CPB2: variants seen among roughly 807,000 people sequenced by gnomAD.
The protein encoded by CPB2 is carboxypeptidase B2, also known as carboxypeptidase B-like protein.
In CPB2, 54 loss-of-function variants were observed where a neutral mutation model predicts 57.0. That is an observed-to-expected ratio of 0.95 (90% CI 0.76 to 1.19). CPB2 has a LOEUF of 1.19. CPB2 is among the 50% of genes most tolerant of loss of function. The pLI is 0.00. For missense variants in CPB2, 426 were observed against 512.0 expected (o/e 0.83, Z 1.62); for synonymous variants, 189 against 178.1 (o/e 1.06, Z -0.49).
chr13:46,090,028 C>T (rs1224282716), intron 1 of CPB2, among the ~76,000 whole-genome samples: 1 of 152,066 alleles, frequency 6.6e-6, no homozygotes, highest in African/African-American at 2.4e-5. Flanking sequence ...TTTCTTAGTT[C>T]TCTATTATGT....
intron 2 of CPB2, among the ~76,000 whole-genome samples, chr13:46,087,160 G>C (rs1024553979): frequency 6.6e-6 from 1 of 152,184 alleles, no homozygotes; most frequent in African/African-American, 2.4e-5. Context: ...GCTGCAGCGG[G>C]CAGCTGCAGC....
chr13:46,058,483 T>C, intron 8 of CPB2, 102 bp from the exon 9 acceptor site: 1 of 927,474 alleles, frequency 1.1e-6, no homozygotes, highest in South Asian at 1.5e-5. Flanking sequence ...TGCAACACTT[T>C]TAGATGAATG....
At chr13:46,084,485 G>A (rs1593907474) in intron 2 of CPB2, 142 bp from the exon 3 acceptor site, 1 of 743,300 alleles carries the variant, frequency 1.3e-6, no homozygotes, top group Non-Finnish European at 2.1e-6. Context: ...CACACACATG[G>A]TAATATAAAC....
intron 2 of CPB2, among the ~76,000 whole-genome samples, chr13:46,085,664 G>T (rs961724830): frequency 6.6e-6 from 1 of 152,122 alleles, no homozygotes; most frequent in Non-Finnish European, 1.5e-5. Context: ...TCCAGCTCCC[G>T]CCTCTATCCT....
At chr13:46,081,004 A>G (rs1418317477) in intron 4 of CPB2, among the ~76,000 whole-genome samples, 2 of 150,176 alleles carry the variant, frequency 1.3e-5, no homozygotes, top group Non-Finnish European at 3.0e-5. Flanking sequence ...AAGAAAAGGC[A>G]TATGAGGAAG....
chr13:46,070,520 T>C (rs1193618389), intron 6 of CPB2, among the ~76,000 whole-genome samples: 1 of 152,090 alleles, frequency 6.6e-6, no homozygotes, highest in Non-Finnish European at 1.5e-5. Context: ...TGGGGTGCAC[T>C]CAAGCTTTGC....
chr13:46,103,548 G>A (rs2045461594), intron 1 of CPB2, among the ~76,000 whole-genome samples: 1 of 152,198 alleles, frequency 6.6e-6, no homozygotes, highest in Non-Finnish European at 1.5e-5. Flanking sequence ...TTCTTCCTGA[G>A]GCTCAGTTTC....
At chr13:46,092,909 T>TTTTG (rs909989309) in intron 1 of CPB2, among the ~76,000 whole-genome samples, 9 of 152,076 alleles carry the variant, frequency 5.9e-5, no homozygotes, top group Non-Finnish European at 1.0e-4. Flanking sequence ...CTTTGTTTGT[T>TTTTG]TTTGTTTGTT....
At chr13:46,103,840 C>T (rs1480417625) in intron 1 of CPB2, among the ~76,000 whole-genome samples, 2 of 152,182 alleles carry the variant, frequency 1.3e-5, no homozygotes, top group Non-Finnish European at 2.9e-5. Context: ...GAAATCCTGA[C>T]CATATGATTC....
intron 1 of CPB2, among the ~76,000 whole-genome samples, chr13:46,103,199 A>G (rs1593926294): frequency 1.3e-5 from 2 of 152,240 alleles, no homozygotes; most frequent in African/African-American, 2.4e-5. Flanking sequence ...TACGATCAAG[A>G]TGGCGGTCTG....
intron 1 of CPB2, chr13:46,099,682 G>A (rs904118508): frequency 6.6e-5 from 10 of 152,058 alleles, no homozygotes. Context: ...TGCTTTACAG[G>A]TATTCTTATT....
rs957075264 is a variant in CPB2 at position 46,055,824 on chromosome 13, C to T, written c.1025G>A (p.Arg342His). 9.4e-6 allele frequency: 15 copies of T among 1,600,240 alleles called. No individual in the cohort carries two copies. Among genetic ancestry groups the T allele is most frequent in the East Asian group, 6.8e-5 (3 of 44,424 alleles). ...ELSLVASEAVRAIEKISKNTR... is the reference protein window; with the variant it reads ...ELSLVASEAVHAIEKISKNTR... ...ATTTTTACTAATTTTCTCAATAGCA[C>T]GAACTGCTTCACTGGCTACTAGAGA... The change falls in exon 10 of 11, where the codon CGT becomes CAT. Residue 342 changes from arginine to histidine, a missense_variant. By Grantham distance (29) the Arg-to-His change is conservative. Transcript: ENST00000181383.
intron 3 of CPB2, among the ~76,000 whole-genome samples, chr13:46,083,616 CT>C (rs2045153137): frequency 6.6e-6 from 1 of 152,120 alleles, no homozygotes; most frequent in African/African-American, 2.4e-5. Flanking sequence ...GAAATTGTAC[CT>C]GATACACTTT....
chr13:46,073,922 T>C lies in CPB2; in HGVS notation c.542A>G (p.His181Arg). 1 of 1,592,010 alleles carries C rather than the reference T, an allele frequency of 6.3e-7. No individual in the cohort carries two copies. Among genetic ancestry groups the C allele is most frequent in the East Asian group, 2.3e-5 (1 of 44,394 alleles). Reference protein sequence around the residue: ...KNAIWIDCGIHAREWISPAFC... With the variant: ...KNAIWIDCGIRAREWISPAFC... ...AGCAGGAGAGATCCATTCTCTGGCA[T>C]GGATTCCACAGTCAATCCATATGGC... The change falls in exon 6 of 11, where the codon CAT becomes CGT. Residue 181 changes from histidine (H) to arginine (R), a missense_variant. Physicochemically the swap from His to Arg is conservative, Grantham distance 29 (BLOSUM62 0). Transcript: ENST00000181383.
At chr13:46,087,629 T>C in intron 2 of CPB2, 116 bp downstream of exon 2, 1 of 697,990 alleles carries the variant, frequency 1.4e-6, no homozygotes, top group Non-Finnish European at 2.5e-6. Context: ...GAGAAGACTA[T>C]GAGAAGAAGA....
At chr13:46,085,725 G>A (rs2045193255) in intron 2 of CPB2, among the ~76,000 whole-genome samples, 1 of 152,126 alleles carries the variant, frequency 6.6e-6, no homozygotes, top group African/African-American at 2.4e-5. Context: ...CTTAACCTCT[G>A]CTTCTTGGAA....
intron 6 of CPB2, among the ~76,000 whole-genome samples, chr13:46,069,389 T>G (rs2044904118): frequency 6.6e-6 from 1 of 152,156 alleles, no homozygotes. Context: ...AATTCAGCGG[T>G]TTTTGGTGTA....
rs17844225 is a variant in CPB2 at position 46,074,984 on chromosome 13, C to T, written c.487-1007G>A. Among the ~76,000 whole-genome samples the T allele has an allele frequency of 5.4e-3, 826 of 152,278 alleles. 6 individuals are homozygous for T. Among genetic ancestry groups the T allele is most frequent in the African/African-American group, 0.018 (765 of 41,552 alleles). On this transcript the variant is annotated intron_variant, in intron 5 of 10. Coordinates refer to ENST00000181383, the MANE Select transcript of CPB2 (RefSeq NM_001872.5). ...CTCGCTGGCTATTCATCTCCAGTTGCGTGGCCGCGTTCCTAACAGGCCATG... is the reference window on the plus strand; with the variant it reads ...CTCGCTGGCTATTCATCTCCAGTTGTGTGGCCGCGTTCCTAACAGGCCATG...
At chr13:46,096,348 A>G (rs944925970) in intron 1 of CPB2, 4 of 152,472 alleles carry the variant, frequency 2.6e-5, no homozygotes, top group African/African-American at 9.7e-5. Flanking sequence ...CTTGCACCCA[A>G]GCATTTTCCT....
Sources: allele counts gnomAD v4.1 joint callset (sites outside exome capture counted in the v4.1 genomes callset), GRCh38; gene constraint gnomAD v4.1.1; transcripts MANE v1.5; gene names NCBI Gene and HGNC (gene_info 2026-07-23, HGNC 2026-07-21).